Variants in C2CD2 observed in about 807,000 individuals in gnomAD.
C2CD2 encodes C2 domain-containing protein 2.
C2CD2 carries 43 observed loss-of-function variants against 74.3 expected under a neutral mutation model. That is an observed-to-expected ratio of 0.58 (90% CI 0.45 to 0.75). The LOEUF (loss-of-function observed/expected upper bound fraction) is 0.75, where lower values mean the gene tolerates loss of function less well. Ranked by LOEUF, C2CD2 falls within the 30% of genes least tolerant of loss-of-function variation. The probability of loss-of-function intolerance (pLI) is 0.00; values close to 1 mark genes in which losing one functional copy is unlikely to be tolerated. For synonymous variants in C2CD2, 422 were observed against 390.7 expected (o/e 1.08, Z -0.94); for missense variants, 801 against 916.3 (o/e 0.87, Z 1.63).
rs2065189629 is a variant in C2CD2, at chr21:41,924,622, G to A, written c.379-2537C>T. On this transcript the variant is annotated intron_variant, in intron 2 of 13. Transcript: ENST00000380486. The surrounding 1 kb of genome is among the most constrained non-coding windows in gnomAD (Gnocchi z 4.4). ...TGCTTTGTGGCCAGATGAGTTACACGCACCAATGGCATGACACTGAGAAAA... is the reference window on the plus strand; with the variant it reads ...TGCTTTGTGGCCAGATGAGTTACACACACCAATGGCATGACACTGAGAAAA... 6.6e-6 allele frequency among the ~76,000 whole-genome samples: 1 copy of A among 152,084 alleles called. No individual in the cohort carries two copies. The highest frequency in any genetic ancestry group is 6.5e-5 in the Admixed American group (1 of 15,270).
intron 5 of C2CD2, among the ~76,000 whole-genome samples, chr21:41,916,662 A>C (rs960795333): frequency 1.2e-5 from 1 of 86,872 alleles, no homozygotes; most frequent in South Asian, 4.4e-4. Context: ...GTGTGAGCTG[A>C]TTACACACAC....
At chr21:41,898,211 T>C (rs554060043) in intron 13 of C2CD2, among the ~76,000 whole-genome samples, 4 of 152,222 alleles carry the variant, frequency 2.6e-5, no homozygotes, top group Non-Finnish European at 5.9e-5. Flanking sequence ...GAGCTTCACC[T>C]GAGCTCACGG....
chr21:41,918,225 G>C lies in C2CD2; in HGVS notation c.600C>G (p.Asp200Glu). Residue 200 changes from aspartate to glutamate, a missense_variant and splice_region_variant, in exon 5 of 14, where the codon GAC becomes GAG. Physicochemically the swap from Asp to Glu is conservative, Grantham distance 45 (BLOSUM62 2). Transcript: ENST00000380486. ...ACATCGCACTTGTCTCAGCCACCTG[G>C]TCCTGGTGAAAGAGGAGAAAGTTGA... The part of the protein sequence containing the change: ...VNIQPKALGE[D>E]QVAETSAMSD... 6.2e-7 allele frequency: 1 copy of C among 1,614,070 alleles called. No individual in the cohort carries two copies. The highest frequency in any genetic ancestry group is 8.5e-7 in the Non-Finnish European group (1 of 1,179,970).
At position 41,939,663 on chromosome 21, in the gene C2CD2, G is replaced by A. The variant is rs962955075; in HGVS notation, c.378+2484C>T. 1.3e-5 allele frequency among the ~76,000 whole-genome samples: 2 copies of A among 152,192 alleles called. No homozygotes were observed. The highest frequency in any genetic ancestry group is 4.8e-5 in the African/African-American group (2 of 41,454). On this transcript the variant is annotated intron_variant, in intron 2 of 13. Transcript: ENST00000380486. This position sits in a 1 kb window ranked among gnomAD's most constrained non-coding sequence, Gnocchi z 5.5. Reference sequence around the variant, plus strand: ...TCAGCATCCCGCACCGCTGCCATGGGCTTCCTCCTGCAACCCCAGTACTTT... The same window carrying A: ...TCAGCATCCCGCACCGCTGCCATGGACTTCCTCCTGCAACCCCAGTACTTT...
intron 13 of C2CD2, among the ~76,000 whole-genome samples, chr21:41,896,640 C>T (rs2064825314): frequency 7.1e-6 from 1 of 141,666 alleles, no homozygotes; most frequent in Non-Finnish European, 1.5e-5. Context: ...ATTCGAAATA[C>T]ACAGGCACTC....
rs897784166 is a variant in C2CD2, at chr21:41,953,862, C to T, written c.-214G>A. 5 of 276,812 alleles carry T rather than the reference C, an allele frequency of 1.8e-5. No individual in the cohort carries two copies. The highest frequency in any genetic ancestry group is 1.1e-4 in the African/African-American group (5 of 44,314). The allele number at this position is 276,812 out of a possible 1,614,324, so 17.1% of individuals were successfully genotyped here. On this transcript the variant is annotated 5_prime_UTR_variant, in exon 1 of 14. Coordinates refer to ENST00000380486, the MANE Select transcript of C2CD2 (RefSeq NM_015500.2). ...CCGCGGCCCGGGCTGGGCGCAAGCC[C>T]CGCACACCTGCGGAACAGGGGCGCG...
At chr21:41,902,873 C>T (rs1040987138) in intron 11 of C2CD2, among the ~76,000 whole-genome samples, 1 of 152,132 alleles carries the variant, frequency 6.6e-6, no homozygotes, top group Non-Finnish European at 1.5e-5. Context: ...GCACCCCATC[C>T]GAGTGAATGC....
At chr21:41,932,277 T>G (rs905998871) in intron 2 of C2CD2, among the ~76,000 whole-genome samples, 1 of 149,406 alleles carries the variant, frequency 6.7e-6, no homozygotes, top group East Asian at 2.0e-4. Context: ...GTCCCTGCCC[T>G]CCCCCTCCGC....
rs1039419605 is a variant in C2CD2 at position 41,888,971 on chromosome 21, AT to A, written c.*152del. ...AGAAGCCTCCTGGCTGGAGACTCAG[AT>A]TTTGTTTTCCCTTTAAATGACGAGA... On this transcript the variant is annotated 3_prime_UTR_variant, in exon 14 of 14. Coordinates refer to ENST00000380486, the MANE Select transcript of C2CD2 (RefSeq NM_015500.2). The A allele has an allele frequency of 6.1e-6, 4 of 651,950 alleles. No homozygotes were observed. The Admixed American group carries it at 1.1e-4, about 18-fold the overall frequency. The allele number at this position is 651,950 out of a possible 1,614,324, so 40.4% of individuals were successfully genotyped here.
intron 3 of C2CD2, among the ~76,000 whole-genome samples, chr21:41,921,749 AATGT>A (rs1274011134): frequency 7.0e-6 from 1 of 142,424 alleles, no homozygotes; most frequent in Non-Finnish European, 1.6e-5. Context: ...GTTTATTATA[AATGT>A]ATGTGTGTGT....
intron 3 of C2CD2, among the ~76,000 whole-genome samples, chr21:41,919,287 T>C (rs2065130128): frequency 6.6e-6 from 1 of 152,166 alleles, no homozygotes. Context: ...AGTGTGCATG[T>C]GTGTATGTAT....
Position 41,885,487 on chromosome 21 carries a change from C to A in C2CD2, c.*3637G>T, listed in dbSNP as rs1475987705. ...GCAAACGGTCATGGACCCAAGTTAACCTGAGTTTGCTCTGCAGGATTCCGC... is the reference window on the plus strand; with the variant it reads ...GCAAACGGTCATGGACCCAAGTTAAACTGAGTTTGCTCTGCAGGATTCCGC... On this transcript the variant is annotated 3_prime_UTR_variant, in exon 14 of 14. Transcript: ENST00000380486. 2 of 152,638 alleles carry A rather than the reference C, an allele frequency of 1.3e-5. No individual in the cohort carries two copies. The highest frequency in any genetic ancestry group is 2.4e-5 in the African/African-American group (1 of 41,438). 9.5% of individuals were successfully genotyped at this position (152,638 alleles called of 1,614,324 possible).
In C2CD2 at chr21:41,895,903, G is replaced by A. The variant is rs943466006; in HGVS notation, c.1870+3150C>T. Among the ~76,000 whole-genome samples the A allele has an allele frequency of 1.6e-4, 25 of 152,164 alleles. No homozygotes were observed. Among genetic ancestry groups the A allele is most frequent in the African/African-American group, 5.8e-4 (24 of 41,448 alleles). ...TTTCAACTGGAACCACAGATGGTCC[G>A]TTGATAGAAGCGACTACTTTTTAGC... On this transcript the variant is annotated intron_variant, in intron 13 of 13. Transcript: ENST00000380486. The surrounding 1 kb of genome is among the most constrained non-coding windows in gnomAD (Gnocchi z 5.0).
intron 3 of C2CD2, among the ~76,000 whole-genome samples, chr21:41,919,190 GTGTGCA>G (rs1484078033): frequency 6.6e-6 from 1 of 152,186 alleles, no homozygotes; most frequent in Admixed American, 6.5e-5. Context: ...GAGTGTGAAT[GTGTGCA>G]TGTGCATGTG....
intron 1 of C2CD2, 62 bp from the exon 2 acceptor site, chr21:41,942,307 A>G (rs748140910): frequency 6.3e-6 from 8 of 1,274,356 alleles, no homozygotes; most frequent in South Asian, 2.6e-5. Flanking sequence ...TTTAAATTAC[A>G]TATCTGTTTA....
chr21:41,901,901 T>C (rs2064903457), intron 11 of C2CD2, 152 bp from the exon 12 acceptor site: 3 of 681,732 alleles, frequency 4.4e-6, no homozygotes, highest in Non-Finnish European at 7.7e-6. Context: ...TTGTTGGTGG[T>C]CTCTGCAACA....
At chr21:41,942,671 T>C (rs1353816628) in intron 1 of C2CD2, among the ~76,000 whole-genome samples, 1 of 152,192 alleles carries the variant, frequency 6.6e-6, no homozygotes, top group Non-Finnish European at 1.5e-5. Flanking sequence ...GTCCTCCCTG[T>C]TGCTAGGGAC....
At chr21:41,948,868 A>ATTTTTTT (rs1569085046) in intron 1 of C2CD2, among the ~76,000 whole-genome samples, 4 of 31,070 alleles carry the variant, frequency 1.3e-4, no homozygotes, top group Non-Finnish European at 2.4e-4. Context: ...TCCACACAGC[A>ATTTTTTT]TCTTTTTTTT....
chr21:41,896,707 CA>C (rs71332341), intron 13 of C2CD2, among the ~76,000 whole-genome samples: 2,435 of 73,688 alleles, frequency 0.033, 8 homozygotes, highest in African/African-American at 0.046. Flanking sequence ...GTTCTTAAAC[CA>C]AAAAAAAAAA....
Sources: allele counts gnomAD v4.1 joint callset (sites outside exome capture counted in the v4.1 genomes callset), GRCh38; gene constraint gnomAD v4.1.1; non-coding constraint Gnocchi (gnomAD v3.1); transcripts MANE v1.5; gene names NCBI Gene and HGNC (gene_info 2026-07-23, HGNC 2026-07-21).